Variants in KAT6B observed in about 807,000 individuals in gnomAD.
The protein encoded by KAT6B is lysine acetyltransferase 6B.
A neutral mutation model predicts 187.5 loss-of-function variants in KAT6B; 10 were observed. The observed-to-expected ratio is 0.05, with a 90% CI of 0.03 to 0.09. The LOEUF (loss-of-function observed/expected upper bound fraction) is 0.09, where lower values mean the gene tolerates loss of function less well. Ranked by LOEUF, KAT6B falls within the 10% of genes least tolerant of loss-of-function variation. KAT6B has a pLI of 1.00. For synonymous variants in KAT6B, 861 were observed against 926.8 expected, an observed-to-expected ratio of 0.93 and a Z score of 1.29; for missense variants, 1,952 against 2,558.9, an observed-to-expected ratio of 0.76 and a Z score of 5.12.
chr10:75,030,623 A>G lies in KAT6B; in HGVS notation c.5799A>G (p.Ser1933=). 1 of 1,612,226 alleles carries G rather than the reference A, an allele frequency of 6.2e-7. No individual in the cohort carries two copies. Among genetic ancestry groups the G allele is most frequent in the Non-Finnish European group, 8.5e-7 (1 of 1,179,088 alleles). ...TGAGAACCAAGTCAGCGTCTCTGTC[A>G]CCAGCCGCTGCCACCCATCAGTCAC... ...ISMRTKSASL[S]PAAATHQSQI... is the part of the protein sequence containing the mutation. Residue 1933 remains serine, a synonymous_variant, in exon 18 of 18, where the codon TCA becomes TCG. Transcript: ENST00000287239. The surrounding 1 kb of genome is among the most constrained non-coding windows in gnomAD (Gnocchi z 4.8).
chr10:74,846,464 G>A (rs568779112), intron 3 of KAT6B, among the ~76,000 whole-genome samples: 2 of 151,878 alleles, frequency 1.3e-5, no homozygotes, highest in East Asian at 1.9e-4. Context: ...TTTTGAGATG[G>A]AGTCTTGCTC....
At chr10:74,825,120 A>C (rs1213424977), upstream of KAT6B, among the ~76,000 whole-genome samples, 1 of 152,128 alleles carries the variant, frequency 6.6e-6, no homozygotes, top group Non-Finnish European at 1.5e-5. This position sits in a 1 kb window ranked among gnomAD's most constrained non-coding sequence, Gnocchi z 5.0. Context: ...ACAGCTCCCG[A>C]GGCGTCCCCC....
chr10:75,025,598 G>T, intron 17 of KAT6B: 1 of 277,760 alleles, frequency 3.6e-6, no homozygotes, highest in South Asian at 4.3e-5. Flanking sequence ...AGTTATTTCT[G>T]AAATCAAGGT....
At position 74,843,168 on chromosome 10, in the gene KAT6B, A is replaced by G. The variant is rs771668977; in HGVS notation, c.311A>G (p.Asn104Ser). ...GSRGSCNDLRNVDWNKLLRRA... is the reference protein window; with the variant it reads ...GSRGSCNDLRSVDWNKLLRRA... ...AGAGGATCATGTAATGATCTCCGCA[A>G]TGTGGATTGGAATAAACTTTTAAGG... Residue 104 changes from asparagine (N) to serine (S), a missense_variant, in exon 3 of 18, where the codon AAT becomes AGT. This residue lies in a region of KAT6B where 218 missense variants were observed against 282.6 expected (regional missense o/e 0.77). Coordinates refer to ENST00000287239, the MANE Select transcript of KAT6B (RefSeq NM_012330.4). 21 of 1,614,088 alleles carry G rather than the reference A, an allele frequency of 1.3e-5. No individual in the cohort carries two copies. Among genetic ancestry groups the G allele is most frequent in the African/African-American group, 4.0e-5 (3 of 74,930 alleles).
chr10:74,944,495 A>G (rs1378146083), intron 3 of KAT6B, among the ~76,000 whole-genome samples: 1 of 152,220 alleles, frequency 6.6e-6, no homozygotes, highest in African/African-American at 2.4e-5. Flanking sequence ...AAGCACATGA[A>G]CAACGTCATT....
chr10:74,952,952 G>A (rs560627649), intron 3 of KAT6B, among the ~76,000 whole-genome samples: 18 of 148,978 alleles, frequency 1.2e-4, no homozygotes, highest in Non-Finnish European at 2.1e-4. Flanking sequence ...TGCCCACCTC[G>A]GCCTCCCAAA....
At chr10:74,858,468 G>T (rs1475639425) in intron 3 of KAT6B, among the ~76,000 whole-genome samples, 1 of 151,910 alleles carries the variant, frequency 6.6e-6, no homozygotes, top group African/African-American at 2.4e-5. Context: ...TGATAGGCAT[G>T]GGTTTTGCCA....
intron 13 of KAT6B, among the ~76,000 whole-genome samples, chr10:75,011,276 T>G (rs1844587987): frequency 6.6e-6 from 1 of 152,238 alleles, no homozygotes; most frequent in South Asian, 2.1e-4. Context: ...TCTTTAAATT[T>G]TTAAAAATAA....
At chr10:75,028,465 TC>T (rs1846040603) in intron 17 of KAT6B, 23 bp from the exon 18 acceptor site, 2 of 1,613,936 alleles carry the variant, frequency 1.2e-6, no homozygotes, top group African/African-American at 2.7e-5. Context: ...TTTTTTTCCT[TC>T]CCGTTTTTGT....
At chr10:75,003,230 G>A (rs1843974443) in intron 13 of KAT6B, 1 of 152,174 alleles carries the variant, frequency 6.6e-6, no homozygotes, top group African/African-American at 2.4e-5. Flanking sequence ...TACATAGCAG[G>A]TTGAAGAGAC....
chr10:75,007,717 T>C (rs1844314410), intron 13 of KAT6B, among the ~76,000 whole-genome samples: 1 of 152,230 alleles, frequency 6.6e-6, no homozygotes, highest in Non-Finnish European at 1.5e-5. Context: ...TGTCATTTTA[T>C]GTATCTCTGT....
intron 3 of KAT6B, among the ~76,000 whole-genome samples, chr10:74,956,464 T>C (rs1840701777): frequency 6.6e-6 from 1 of 152,160 alleles, no homozygotes; most frequent in Non-Finnish European, 1.5e-5. Context: ...CCATATGCCA[T>C]TGGTCATGGG....
intron 3 of KAT6B, among the ~76,000 whole-genome samples, chr10:74,944,286 T>C (rs1428733637): frequency 6.6e-6 from 1 of 152,194 alleles, no homozygotes; most frequent in African/African-American, 2.4e-5. Context: ...GAAGGATATA[T>C]CTTGGCCAGT....
intron 13 of KAT6B, among the ~76,000 whole-genome samples, chr10:75,010,223 A>T (rs1041774156): frequency 6.6e-6 from 1 of 152,228 alleles, no homozygotes; most frequent in Admixed American, 6.5e-5. Context: ...TAAATAAAAA[A>T]TAAGCGAAAA....
intron 3 of KAT6B, among the ~76,000 whole-genome samples, chr10:74,874,952 C>T (rs1844300472): frequency 6.6e-6 from 1 of 152,036 alleles, no homozygotes; most frequent in Non-Finnish European, 1.5e-5. Flanking sequence ...CCTACACATG[C>T]ACAATTTTCC....
chr10:74,976,119 A>G lies in KAT6B; in HGVS notation c.1782A>G (p.Arg594=), dbSNP rs376823181. 23 of 1,614,202 alleles carry G rather than the reference A, an allele frequency of 1.4e-5. No homozygotes were observed. Among genetic ancestry groups the G allele is most frequent in the East Asian group, 8.9e-5 (4 of 44,882 alleles). The change falls in exon 8 of 18, where the codon AGA becomes AGG. Residue 594 remains arginine (R), a synonymous_variant. Coordinates refer to ENST00000287239, the MANE Select transcript of KAT6B (RefSeq NM_012330.4). ...ACTTCTTTGGCAAAAGAGATATTAGAAGTCGGTTTATTTCTCACTCCTCCT... is the reference window on the plus strand; with the variant it reads ...ACTTCTTTGGCAAAAGAGATATTAGGAGTCGGTTTATTTCTCACTCCTCCT... ...KAHFFGKRDI[R]SRFISHSSSS...
chr10:74,871,035 G>A (rs749855842), intron 3 of KAT6B, among the ~76,000 whole-genome samples: 12 of 149,138 alleles, frequency 8.0e-5, no homozygotes, highest in Non-Finnish European at 1.6e-4. Flanking sequence ...CCAGCACCAC[G>A]CCCAACTAAT....
intron 12 of KAT6B, among the ~76,000 whole-genome samples, chr10:74,986,526 A>G (rs1842821557): frequency 6.6e-6 from 1 of 152,240 alleles, no homozygotes; most frequent in Non-Finnish European, 1.5e-5. Context: ...GCTATCCTAA[A>G]TTTAAGAATC....
chr10:74,957,141 A>C (rs748290922), intron 3 of KAT6B, among the ~76,000 whole-genome samples: 1 of 152,194 alleles, frequency 6.6e-6, no homozygotes, highest in Non-Finnish European at 1.5e-5. Context: ...GAGAACAGTG[A>C]ATCATAATAA....
Sources: allele counts gnomAD v4.1 joint callset (sites outside exome capture counted in the v4.1 genomes callset), GRCh38; gene constraint gnomAD v4.1.1; regional missense constraint gnomAD v4.1.1; non-coding constraint Gnocchi (gnomAD v3.1); transcripts MANE v1.5; gene names NCBI Gene and HGNC (gene_info 2026-07-23, HGNC 2026-07-21).